The following TMEM232 variants were observed in gnomAD, a reference collection of about 807,000 sequenced individuals.
TMEM232 encodes transmembrane protein 232.
TMEM232 carries 80 observed loss-of-function variants against 78.8 expected under a neutral mutation model. That is an observed-to-expected ratio of 1.01 (90% confidence interval 0.85 to 1.22). The LOEUF is 1.22. TMEM232 is among the 50% of genes most tolerant of loss of function. TMEM232 has a pLI of 0.00. For synonymous variants in TMEM232, 297 were observed against 254.3 expected, an observed-to-expected ratio of 1.17 and a Z score of -1.60; for missense variants, 881 against 742.2, an observed-to-expected ratio of 1.19 and a Z score of -2.17.
intron 11 of TMEM232, among the ~76,000 whole-genome samples, chr5:110,562,897 G>A (rs899595977): frequency 2.0e-5 from 3 of 151,830 alleles, no homozygotes; most frequent in Non-Finnish European, 2.9e-5. Flanking sequence ...ATTTATGTCC[G>A]TAAATCATAT....
intron 12 of TMEM232, among the ~76,000 whole-genome samples, chr5:110,433,745 T>C (rs1758108707): frequency 9.1e-3 from 1 of 110 alleles, no homozygotes; most frequent in Non-Finnish European, 0.019. Context: ...GATCAAATCG[T>C]TTTTAAATTT....
In TMEM232 at chr5:110,404,661, A is replaced by T. The variant is rs535044798; in HGVS notation, n.309-6807T>A. On this transcript the variant is annotated intron_variant and non_coding_transcript_variant, in intron 2 of 8. Transcript: ENST00000507188. ...AAAAATCTTTTCAAATCATGGTAAAAACAACAAAATTGACAAAATGGATAA... is the reference window on the plus strand; with the variant it reads ...AAAAATCTTTTCAAATCATGGTAAATACAACAAAATTGACAAAATGGATAA... Among the ~76,000 whole-genome samples the T allele has an allele frequency of 3.3e-5, 5 of 152,248 alleles. No homozygotes were observed. The South Asian group carries it at 1.0e-3, about 32-fold the overall frequency.
intron 12 of TMEM232, among the ~76,000 whole-genome samples, chr5:110,449,443 GT>G (rs1760021690): frequency 1.3e-5 from 2 of 151,766 alleles, no homozygotes; most frequent in Admixed American, 1.3e-4. Flanking sequence ...AAATAAAATG[GT>G]TGCTTTTTAG....
chr5:110,738,937 T>C (rs572434375), upstream of TMEM232: 28 of 1,424,738 alleles, frequency 2.0e-5, no homozygotes, highest in East Asian at 1.0e-4. Flanking sequence ...TGCCCTTTAA[T>C]GGTTGCCGGA....
At chr5:110,513,375 A>C (rs1380772289) in intron 12 of TMEM232, among the ~76,000 whole-genome samples, 1 of 152,164 alleles carries the variant, frequency 6.6e-6, no homozygotes, top group Non-Finnish European at 1.5e-5. Context: ...GCAGAAAATA[A>C]CTGGAAACCA....
chr5:110,655,499 G>A (rs1478360453), intron 2 of TMEM232, among the ~76,000 whole-genome samples: 19 of 141,006 alleles, frequency 1.3e-4, no homozygotes, highest in Non-Finnish European at 2.5e-4. Context: ...TCAGTGTGGC[G>A]ATTCCTCAGG....
intron 7 of TMEM232, among the ~76,000 whole-genome samples, chr5:110,623,875 AC>A (rs1478366194): frequency 6.6e-6 from 1 of 152,210 alleles, no homozygotes; most frequent in African/African-American, 2.4e-5. Context: ...GCTTTGTTCT[AC>A]AAAGTGGAAA....
chr5:110,469,433 G>T (rs1561534327), intron 12 of TMEM232, among the ~76,000 whole-genome samples: 1 of 152,158 alleles, frequency 6.6e-6, no homozygotes, highest in African/African-American at 2.4e-5. Flanking sequence ...TCATGGCTGT[G>T]CCCTGCCTCC....
chr5:110,445,347 A>T (rs1244885315), intron 12 of TMEM232, among the ~76,000 whole-genome samples: 1 of 152,150 alleles, frequency 6.6e-6, no homozygotes, highest in African/African-American at 2.4e-5. Flanking sequence ...TGACATATAT[A>T]TGCCTATGAA....
chr5:110,434,462 T>C (rs192111787), intron 12 of TMEM232, among the ~76,000 whole-genome samples: 6 of 151,548 alleles, frequency 4.0e-5, no homozygotes, highest in African/African-American at 1.5e-4. Flanking sequence ...GAATAAGTAA[T>C]AATAATAATA....
intron 12 of TMEM232, among the ~76,000 whole-genome samples, chr5:110,481,117 T>C (rs2149395619): frequency 6.6e-6 from 1 of 152,210 alleles, no homozygotes; most frequent in South Asian, 2.1e-4. Context: ...TAGTCAATCT[T>C]AGACCTGGTA....
chr5:110,388,397 T>A (rs1755059210), intron 4 of TMEM232, among the ~76,000 whole-genome samples: 1 of 152,148 alleles, frequency 6.6e-6, no homozygotes, highest in Non-Finnish European at 1.5e-5. Context: ...TCGGCACAAC[T>A]GCTGGCATTC....
At chr5:110,674,647 G>A (rs564577248) in intron 1 of TMEM232, among the ~76,000 whole-genome samples, 1 of 152,306 alleles carries the variant, frequency 6.6e-6, no homozygotes, top group East Asian at 1.9e-4. Flanking sequence ...GTAGCCAATA[G>A]CACTTTATAT....
chr5:110,425,045 G>A, intron 12 of TMEM232, 129 bp from the exon 13 acceptor site: 1 of 731,856 alleles, frequency 1.4e-6, no homozygotes, highest in Non-Finnish European at 2.2e-6. Flanking sequence ...TAAAGTATTT[G>A]TGTAGACTAT....
rs142026116 is a variant in TMEM232 at position 110,406,729 on chromosome 5, C to A, written n.309-8875G>T. ...TATGGTGTATAATCCACCCATAACT[C>A]TGGTATTAAGCACAAAAGACAAAAT... is the stretch of plus-strand genomic sequence containing the variant. On this transcript the variant is annotated intron_variant and non_coding_transcript_variant, in intron 2 of 8. Transcript: ENST00000507188. Among the ~76,000 whole-genome samples the A allele has an allele frequency of 5.2e-3, 787 of 152,048 alleles. 12 individuals carry two copies. Among genetic ancestry groups the A allele is most frequent in the Non-Finnish European group, 4.2e-3 (282 of 67,938 alleles).
intron 10 of TMEM232, among the ~76,000 whole-genome samples, chr5:110,602,498 T>C (rs1215462509): frequency 1.1e-4 from 17 of 151,806 alleles, no homozygotes; most frequent in Admixed American, 1.1e-3. Context: ...ACAGACACTA[T>C]TTAAAAGAAA....
chr5:110,617,432 C>G (rs902714430), intron 8 of TMEM232, among the ~76,000 whole-genome samples: 1 of 151,884 alleles, frequency 6.6e-6, no homozygotes, highest in African/African-American at 2.4e-5. Flanking sequence ...GTTCTTACCA[C>G]CAAAAAATGA....
intron 10 of TMEM232, among the ~76,000 whole-genome samples, chr5:110,596,686 C>A (rs1339371340): frequency 2.6e-5 from 4 of 152,114 alleles, no homozygotes; most frequent in African/African-American, 4.8e-5. Context: ...GGGCTTCATC[C>A]CTGGGATGAA....
At chr5:110,611,171 A>G (rs1451355710) in intron 8 of TMEM232, among the ~76,000 whole-genome samples, 1 of 152,196 alleles carries the variant, frequency 6.6e-6, no homozygotes, top group Non-Finnish European at 1.5e-5. Context: ...TCAAGATTAT[A>G]TTAACAGACT....
Sources: gnomAD v4.1 joint callset for allele counts (sites outside exome capture counted in the v4.1 genomes callset) on GRCh38, gnomAD v4.1.1 for gene constraint, MANE v1.5 for transcripts, NCBI Gene and HGNC (gene_info 2026-07-23, HGNC 2026-07-21) for gene names.